Variants in TTBK2 observed in about 807,000 individuals in gnomAD.
TTBK2 encodes tau-tubulin kinase 2.
In TTBK2, 28 loss-of-function variants were observed where a neutral mutation model predicts 110.8. The ratio of observed to expected loss-of-function variants is 0.25; its 90% CI spans 0.19 to 0.35. TTBK2 has a LOEUF of 0.35. Ranked by LOEUF, TTBK2 falls within the 10% of genes least tolerant of loss-of-function variation. TTBK2 has a pLI of 1.00. For missense variants in TTBK2, 1,369 were observed against 1,500.3 expected, an observed-to-expected ratio of 0.91 and a Z score of 1.45; for synonymous variants, 532 against 527.3, an observed-to-expected ratio of 1.01 and a Z score of -0.12.
intron 1 of TTBK2, among the ~76,000 whole-genome samples, chr15:42,903,314 A>C (rs1211933757): frequency 1.3e-5 from 2 of 152,188 alleles, no homozygotes; most frequent in Non-Finnish European, 2.9e-5. Flanking sequence ...TGGAGTTTCC[A>C]TTTAGAAAAA....
At chr15:42,889,681 G>A (rs972020216) in intron 1 of TTBK2, among the ~76,000 whole-genome samples, 5 of 151,820 alleles carry the variant, frequency 3.3e-5, no homozygotes, top group African/African-American at 7.3e-5. Context: ...TGTATCTTCC[G>A]TTTAGTTTCT....
chr15:42,754,923 G>A (rs1272277291), intron 13 of TTBK2, among the ~76,000 whole-genome samples: 2 of 147,046 alleles, frequency 1.4e-5, no homozygotes, highest in East Asian at 2.1e-4. Flanking sequence ...CAGGAGAATC[G>A]CTTGAACCCG....
chr15:42,763,397 A>T (rs927850600), intron 13 of TTBK2, among the ~76,000 whole-genome samples: 26 of 149,252 alleles, frequency 1.7e-4, no homozygotes, highest in African/African-American at 6.4e-4. Context: ...TGTTTTTAGT[A>T]GACACAGCGT....
At chr15:42,862,841 T>C (rs1388249781) in intron 3 of TTBK2, among the ~76,000 whole-genome samples, 1 of 152,114 alleles carries the variant, frequency 6.6e-6, no homozygotes, top group East Asian at 1.9e-4. Context: ...TAATCCGAGA[T>C]CGCACCATTA....
Position 42,824,677 on chromosome 15 carries a change from G to A in TTBK2, c.537+3251C>T, listed in dbSNP as rs150896300. 3.5e-3 allele frequency among the ~76,000 whole-genome samples: 534 copies of A among 152,102 alleles called. 2 individuals carry two copies. Among genetic ancestry groups the A allele is most frequent in the African/African-American group, 0.012 (502 of 41,502 alleles). On this transcript the variant is annotated intron_variant, in intron 6 of 14. Transcript: ENST00000267890. ...ACAGTATCTGTTATGATGAGAACTC[G>A]TAGACACAAAGGGAACGATGTACAC...
In TTBK2 at chr15:42,874,402, C is replaced by T. The variant is rs184393284; in HGVS notation, c.70-1644G>A. ...CATGATCTTGGCCCACTGCAACCTC[C>T]GCCTCCTGGGTTCAAGCAATTCTCC... On this transcript the variant is annotated intron_variant, in intron 2 of 14. Transcript: ENST00000267890. Among the ~76,000 whole-genome samples, 371 of 151,804 alleles carry T rather than the reference C, an allele frequency of 2.4e-3. 1 individual carries two copies. The highest frequency in any genetic ancestry group is 4.1e-3 in the Non-Finnish European group (280 of 67,914).
chr15:42,769,536 A>G (rs1234247983), intron 13 of TTBK2, among the ~76,000 whole-genome samples: 4 of 152,216 alleles, frequency 2.6e-5, no homozygotes, highest in Non-Finnish European at 4.4e-5. Context: ...CATCAGAGAA[A>G]TGCAAATCAA....
At chr15:42,769,956 C>T (rs941944058) in intron 13 of TTBK2, among the ~76,000 whole-genome samples, 1 of 152,098 alleles carries the variant, frequency 6.6e-6, no homozygotes, top group East Asian at 1.9e-4. Context: ...TTTGCAGGGA[C>T]GTGGATGCAG....
intron 12 of TTBK2, 137 bp downstream of exon 12, chr15:42,776,894 C>T (rs1013212907): frequency 1.2e-6 from 1 of 812,394 alleles, no homozygotes; most frequent in Non-Finnish European, 2.0e-6. Context: ...GCTGAATAGA[C>T]TCAGTGTTAC....
chr15:42,879,998 A>T (rs906057225), intron 1 of TTBK2, among the ~76,000 whole-genome samples: 21 of 113,358 alleles, frequency 1.9e-4, no homozygotes, highest in African/African-American at 6.4e-4. Flanking sequence ...TCCTGTCTCA[A>T]AAAAAAAAAA....
At chr15:42,809,121 A>G (rs899442882) in intron 9 of TTBK2, among the ~76,000 whole-genome samples, 1 of 152,246 alleles carries the variant, frequency 6.6e-6, no homozygotes, top group African/African-American at 2.4e-5. Context: ...TCTTTTTTCA[A>G]TTATCCTTCT....
chr15:42,893,566 G>C (rs1403420135), intron 1 of TTBK2, among the ~76,000 whole-genome samples: 1 of 150,822 alleles, frequency 6.6e-6, no homozygotes, highest in African/African-American at 2.4e-5. Flanking sequence ...AAAACTATAA[G>C]CTTCCACCTA....
rs1405660287 is a variant in TTBK2, at chr15:42,801,048, C to T, written c.823-6247G>A. ...CTTCATGACCACGGCCCTGGAGGAGCTGGTGTGGCTGAAGGAGCTGGAGCC... is the reference window on the plus strand; with the variant it reads ...CTTCATGACCACGGCCCTGGAGGAGTTGGTGTGGCTGAAGGAGCTGGAGCC... On this transcript the variant is annotated intron_variant, in intron 9 of 14. Transcript: ENST00000267890. The T allele has an allele frequency of 3.9e-6, 3 of 767,518 alleles. No individual in the cohort carries two copies. The South Asian group carries it at 4.0e-5, about 10-fold the overall frequency. The allele number at this position is 767,518 out of a possible 1,614,324, so 47.5% of individuals were successfully genotyped here. A position where few individuals can be genotyped will look rare whatever the true frequency, so the allele number is the denominator to read the frequency against.
intron 1 of TTBK2, among the ~76,000 whole-genome samples, chr15:42,906,016 CT>C (rs1428838936): frequency 6.6e-6 from 1 of 152,102 alleles, no homozygotes; most frequent in Non-Finnish European, 1.5e-5. Flanking sequence ...TGGAGAAACC[CT>C]GTCTCTACTA....
At chr15:42,766,124 A>C (rs2140697486) in intron 13 of TTBK2, among the ~76,000 whole-genome samples, 1 of 152,294 alleles carries the variant, frequency 6.6e-6, no homozygotes, top group East Asian at 1.9e-4. Flanking sequence ...AAGAAGCACT[A>C]AACATGGAAA....
intron 1 of TTBK2, among the ~76,000 whole-genome samples, chr15:42,883,751 C>T (rs28392857): frequency 0.043 from 6,583 of 151,992 alleles, 157 homozygotes; most frequent in South Asian, 0.082. Flanking sequence ...CCTGTAATTA[C>T]CTTAAGTATA....
rs1595910452 is a variant in TTBK2 at position 42,789,042 on chromosome 15, A to T, written c.981-5407T>A. Among the ~76,000 whole-genome samples, 4 of 152,338 alleles carry T rather than the reference A, an allele frequency of 2.6e-5. No homozygotes were observed. The East Asian group carries it at 7.7e-4, about 29-fold the overall frequency. ...GACAAAGAGCAGCTAAAATCTACTT[A>T]TTTAACAAAAATCTCTAATACAATT... is the stretch of plus-strand genomic sequence containing the variant. On this transcript the variant is annotated intron_variant, in intron 10 of 14. Transcript: ENST00000267890.
intron 13 of TTBK2, among the ~76,000 whole-genome samples, chr15:42,764,089 C>A (rs1297368612): frequency 1.3e-5 from 2 of 152,200 alleles, no homozygotes; most frequent in African/African-American, 4.8e-5. Flanking sequence ...TAAACAGTCA[C>A]TTTTCTAGCC....
intron 1 of TTBK2, among the ~76,000 whole-genome samples, chr15:42,905,479 A>T (rs973695836): frequency 3.3e-5 from 5 of 151,400 alleles, no homozygotes; most frequent in African/African-American, 9.7e-5. Flanking sequence ...CTGGTCTCAA[A>T]CTCCTGAATT....
Sources: allele counts gnomAD v4.1 joint callset (sites outside exome capture counted in the v4.1 genomes callset), GRCh38; gene constraint gnomAD v4.1.1; transcripts MANE v1.5; gene names NCBI Gene and HGNC (gene_info 2026-07-23, HGNC 2026-07-21).